The following CACNA1D variants were observed in gnomAD, a reference collection of about 807,000 sequenced individuals.
CACNA1D encodes voltage-dependent L-type calcium channel subunit alpha-1D.
A neutral mutation model predicts 257.1 loss-of-function variants in CACNA1D; 55 were observed. That is an observed-to-expected ratio of 0.21 (90% confidence interval 0.17 to 0.27). CACNA1D has a LOEUF of 0.27. CACNA1D is among the 10% of genes least tolerant of loss of function. The pLI, the probability that CACNA1D is intolerant of heterozygous loss-of-function variation, is 1.00. For missense variants in CACNA1D, 1,876 were observed against 2,784.0 expected (o/e 0.67, Z 7.34); for synonymous variants, 980 against 1,014.9 (o/e 0.97, Z 0.65).
At chr3:53,681,292 G>A (rs1196087314) in intron 8 of CACNA1D, among the ~76,000 whole-genome samples, 1 of 152,204 alleles carries the variant, frequency 6.6e-6, no homozygotes, top group Non-Finnish European at 1.5e-5. Flanking sequence ...GGAGAACCAT[G>A]GAGTTTTGTC....
chr3:53,607,633 T>C (rs2093529186), intron 3 of CACNA1D, among the ~76,000 whole-genome samples: 1 of 152,194 alleles, frequency 6.6e-6, no homozygotes, highest in African/African-American at 2.4e-5. Flanking sequence ...GAAAGTGGAT[T>C]CTCCCCCAGA....
rs180890721 is a variant in CACNA1D, at chr3:53,743,896, A to G, written c.2918+779A>G. ...GGAAGACCAAAAACCTCTGCTTGGA[A>G]CAGCCCTTTGTGTTATCCTTCTCGC... On this transcript the variant is annotated intron_variant, in intron 22 of 47. Coordinates refer to ENST00000350061, the MANE Select transcript of CACNA1D (RefSeq NM_001128840.3). Among the ~76,000 whole-genome samples the G allele has an allele frequency of 1.2e-3, 185 of 152,184 alleles. 1 individual carries two copies. Among genetic ancestry groups the G allele is most frequent in the African/African-American group, 4.4e-3 (182 of 41,532 alleles).
intron 37 of CACNA1D, among the ~76,000 whole-genome samples, chr3:53,777,569 G>C (rs1473884940): frequency 2.6e-5 from 4 of 152,166 alleles, no homozygotes; most frequent in African/African-American, 7.2e-5. Flanking sequence ...GGACTTGGTG[G>C]CCTGGGTGAG....
chr3:53,649,390 C>G (rs775848328), intron 3 of CACNA1D, among the ~76,000 whole-genome samples: 7 of 151,780 alleles, frequency 4.6e-5, no homozygotes. Context: ...TGCTTTTTTT[C>G]CCCCTGGAAT....
chr3:53,572,643 A>C (rs2107696948), intron 3 of CACNA1D, among the ~76,000 whole-genome samples: 1 of 152,016 alleles, frequency 6.6e-6, no homozygotes, highest in South Asian at 2.1e-4. Flanking sequence ...GAAGTGATCC[A>C]CCCGCATTGG....
chr3:53,744,854 G>C, intron 23 of CACNA1D, 27 bp downstream of exon 23: 1 of 1,370,938 alleles, frequency 7.3e-7, no homozygotes. Context: ...TCCCGGCTGG[G>C]CTGGCTTGGG....
At chr3:53,631,783 A>T (rs946162137) in intron 3 of CACNA1D, among the ~76,000 whole-genome samples, 2 of 152,222 alleles carry the variant, frequency 1.3e-5, no homozygotes, top group Non-Finnish European at 1.5e-5. Flanking sequence ...GAAAACCTTC[A>T]TCTCCTTGTG....
At chr3:53,804,070 C>A (rs2095549740) in intron 44 of CACNA1D, among the ~76,000 whole-genome samples, 1 of 152,200 alleles carries the variant, frequency 6.6e-6, no homozygotes, top group Non-Finnish European at 1.5e-5. Flanking sequence ...GTCCATCTTG[C>A]TTCTGTCCTA....
chr3:53,747,745 C>T (rs753650201), intron 26 of CACNA1D, among the ~76,000 whole-genome samples: 8 of 152,146 alleles, frequency 5.3e-5, no homozygotes, highest in African/African-American at 9.7e-5. Flanking sequence ...AGCTGCCATC[C>T]GCTGCTCCCA....
At chr3:53,775,240 A>G (rs2095390343) in intron 34 of CACNA1D, among the ~76,000 whole-genome samples, 1 of 152,234 alleles carries the variant, frequency 6.6e-6, no homozygotes, top group Non-Finnish European at 1.5e-5. Context: ...GCCTTCAACA[A>G]AATTGAACAG....
intron 14 of CACNA1D, among the ~76,000 whole-genome samples, chr3:53,725,261 C>T (rs1420879507): frequency 6.6e-6 from 1 of 152,110 alleles, no homozygotes; most frequent in Non-Finnish European, 1.5e-5. Context: ...TCCTCAAGAG[C>T]CTTCCTGCTT....
intron 40 of CACNA1D, among the ~76,000 whole-genome samples, chr3:53,794,630 C>T (rs2095499526): frequency 6.6e-6 from 1 of 152,168 alleles, no homozygotes; most frequent in Non-Finnish European, 1.5e-5. Context: ...CTTTTATACT[C>T]TACATTATTG....
intron 3 of CACNA1D, among the ~76,000 whole-genome samples, chr3:53,569,180 C>G (rs1396116985): frequency 6.6e-6 from 1 of 152,200 alleles, no homozygotes; most frequent in Non-Finnish European, 1.5e-5. Flanking sequence ...TCTATCAGCA[C>G]TCGCTCCCTC....
chr3:53,802,250 A>G (rs1003223058), intron 43 of CACNA1D, 77 bp downstream of exon 43: 11 of 1,116,398 alleles, frequency 9.9e-6, no homozygotes, highest in African/African-American at 1.5e-5. Context: ...GTGCTGAAGA[A>G]TGAGAAACAC....
chr3:53,633,264 G>C (rs2093842813), intron 3 of CACNA1D, among the ~76,000 whole-genome samples: 1 of 152,208 alleles, frequency 6.6e-6, no homozygotes, highest in African/African-American at 2.4e-5. Context: ...AGGCTAAGGT[G>C]GGCAGATTGC....
intron 3 of CACNA1D, among the ~76,000 whole-genome samples, chr3:53,539,752 G>A (rs1352835482): frequency 6.6e-6 from 1 of 152,158 alleles, no homozygotes; most frequent in Non-Finnish European, 1.5e-5. Context: ...GCCCACACCT[G>A]GAATTGTCAG....
At chr3:53,810,694 G>A (rs2095593323) in intron 47 of CACNA1D, 1 of 292,848 alleles carries the variant, frequency 3.4e-6, no homozygotes, top group Non-Finnish European at 6.5e-6. Flanking sequence ...GGAGGTGGAG[G>A]CTGCAGTGAG....
intron 19 of CACNA1D, among the ~76,000 whole-genome samples, chr3:53,734,588 C>T (rs1377814981): frequency 2.0e-5 from 3 of 152,074 alleles, no homozygotes; most frequent in Non-Finnish European, 2.9e-5. Context: ...ACATTGAGGA[C>T]AGCAGCGAGG....
intron 29 of CACNA1D, among the ~76,000 whole-genome samples, chr3:53,761,646 G>C (rs991736627): frequency 1.3e-5 from 2 of 152,196 alleles, no homozygotes; most frequent in African/African-American, 4.8e-5. Flanking sequence ...AGATCGTGAG[G>C]GTTTGGGATC....
Sources: allele counts gnomAD v4.1 joint callset (sites outside exome capture counted in the v4.1 genomes callset), GRCh38; gene constraint gnomAD v4.1.1; transcripts MANE v1.5; gene names NCBI Gene and HGNC (gene_info 2026-07-23, HGNC 2026-07-21).